Variants in TMEM132B observed in about 807,000 individuals in gnomAD.
TMEM132B encodes the protein transmembrane protein 132B.
In TMEM132B, 18 loss-of-function variants were observed where a neutral mutation model predicts 90.8. The observed-to-expected ratio is 0.20, with a 90% CI of 0.14 to 0.29. The LOEUF (loss-of-function observed/expected upper bound fraction) is 0.29. Among genes scored for constraint, TMEM132B ranks in the 10% least tolerant of loss-of-function variants. TMEM132B has a pLI of 1.00. For synonymous variants in TMEM132B, 504 were observed against 523.3 expected (o/e 0.96, Z 0.50); for missense variants, 1,096 against 1,326.8 (o/e 0.83, Z 2.70).
chr12:125,331,401 G>A (rs1876767480), intron 1 of TMEM132B, among the ~76,000 whole-genome samples: 1 of 152,248 alleles, frequency 6.6e-6, no homozygotes, highest in Admixed American at 6.5e-5. Flanking sequence ...CGAAGCCCTG[G>A]GGTCTGTGTG....
At chr12:125,518,936 A>T (rs1277593408) in intron 3 of TMEM132B, among the ~76,000 whole-genome samples, 1 of 152,222 alleles carries the variant, frequency 6.6e-6, no homozygotes, top group Non-Finnish European at 1.5e-5. Flanking sequence ...CCACACACCC[A>T]TGAGGTCCCC....
chr12:125,617,362 T>G (rs1886013340), intron 5 of TMEM132B, among the ~76,000 whole-genome samples: 1 of 149,024 alleles, frequency 6.7e-6, no homozygotes, highest in Non-Finnish European at 1.5e-5. Context: ...TTTTTTTTTT[T>G]GAGACGGAAT....
At chr12:125,554,427 TAAAAAAAAA>T (rs71447048) in intron 4 of TMEM132B, among the ~76,000 whole-genome samples, 3 of 69,480 alleles carry the variant, frequency 4.3e-5, no homozygotes, top group Non-Finnish European at 8.5e-5. Context: ...TCCATTTCAT[TAAAAAAAAA>T]AAAAAAAAAA....
At chr12:125,598,440 C>T (rs1271750045) in intron 5 of TMEM132B, among the ~76,000 whole-genome samples, 1 of 152,132 alleles carries the variant, frequency 6.6e-6, no homozygotes, top group Non-Finnish European at 1.5e-5. Flanking sequence ...GATACTATCA[C>T]TGAGGAAGGG....
chr12:125,304,824 A>G (rs1875919375), intron 1 of TMEM132B, among the ~76,000 whole-genome samples: 2 of 152,074 alleles, frequency 1.3e-5, no homozygotes, highest in South Asian at 2.1e-4. Flanking sequence ...CCTGGGCAAC[A>G]TAGTGAGACC....
intron 1 of TMEM132B, among the ~76,000 whole-genome samples, chr12:125,205,715 T>C (rs1003429908): frequency 2.0e-5 from 3 of 152,210 alleles, no homozygotes; most frequent in Admixed American, 2.0e-4. Flanking sequence ...TGGGCTTCAG[T>C]GTGAGTGTCT....
At chr12:125,325,690 TGTGTGTGTGTG>T (rs1876544056) in intron 1 of TMEM132B, among the ~76,000 whole-genome samples, 1 of 149,458 alleles carries the variant, frequency 6.7e-6, no homozygotes, top group African/African-American at 2.5e-5. Flanking sequence ...TGTGTGTGTG[TGTGTGTGTGTG>T]TGTGTGTGTG....
At chr12:125,569,433 C>G (rs1287687944) in intron 4 of TMEM132B, among the ~76,000 whole-genome samples, 1 of 152,098 alleles carries the variant, frequency 6.6e-6, no homozygotes, top group Non-Finnish European at 1.5e-5. Context: ...TTGCAGGTTC[C>G]TTGAGGGATG....
At chr12:125,308,791 A>G (rs1876056203) in intron 1 of TMEM132B, among the ~76,000 whole-genome samples, 1 of 152,168 alleles carries the variant, frequency 6.6e-6, no homozygotes, top group Non-Finnish European at 1.5e-5. Flanking sequence ...CAAACATTAC[A>G]GAAAACATTG....
chr12:125,306,180 G>A (rs1385426056), intron 1 of TMEM132B, among the ~76,000 whole-genome samples: 2 of 152,226 alleles, frequency 1.3e-5, no homozygotes, highest in African/African-American at 2.4e-5. Context: ...TTGGCAGATT[G>A]TCTAATTTTC....
At chr12:125,391,259 A>G (rs1037012345) in intron 2 of TMEM132B, among the ~76,000 whole-genome samples, 1 of 152,192 alleles carries the variant, frequency 6.6e-6, no homozygotes, top group Non-Finnish European at 1.5e-5. Context: ...GTGTCAAGGT[A>G]TGTTGCCTGC....
At chr12:125,279,815 T>G (rs1433399534) in intron 1 of TMEM132B, among the ~76,000 whole-genome samples, 1 of 152,214 alleles carries the variant, frequency 6.6e-6, no homozygotes, top group Non-Finnish European at 1.5e-5. Context: ...TGGTTCATTG[T>G]AAACTCAATT....
At chr12:125,554,932 G>C (rs1259480719) in intron 4 of TMEM132B, among the ~76,000 whole-genome samples, 1 of 152,170 alleles carries the variant, frequency 6.6e-6, no homozygotes, top group Admixed American at 6.5e-5. Flanking sequence ...GTGTGTGTCA[G>C]GTGGTTTTAT....
At chr12:125,326,744 C>G in intron 1 of TMEM132B, 6 of 1,485,040 alleles carry the variant, frequency 4.0e-6, no homozygotes, top group Non-Finnish European at 5.5e-6. Flanking sequence ...GGAGGTTTTC[C>G]TATGTCCTAT....
At chr12:125,403,212 A>G (rs149647410) in intron 2 of TMEM132B, among the ~76,000 whole-genome samples, 2 of 152,316 alleles carry the variant, frequency 1.3e-5, no homozygotes, top group East Asian at 3.9e-4. Flanking sequence ...GCTGAGTGAC[A>G]TTATCTAGAC....
intron 3 of TMEM132B, among the ~76,000 whole-genome samples, chr12:125,507,581 G>C (rs970649746): frequency 5.9e-5 from 9 of 152,092 alleles, no homozygotes; most frequent in African/African-American, 2.2e-4. Context: ...AGTGGCCCAG[G>C]TAGAGGCATG....
At chr12:125,624,850 G>A (rs1886192522) in intron 5 of TMEM132B, among the ~76,000 whole-genome samples, 1 of 152,042 alleles carries the variant, frequency 6.6e-6, no homozygotes, top group Non-Finnish European at 1.5e-5. Flanking sequence ...CAAACATCGT[G>A]GTCGATGTTT....
rs993130816 is a variant in TMEM132B, at chr12:125,541,896, G to T, written c.1293+22271G>T. Among the ~76,000 whole-genome samples, 2 of 151,770 alleles carry T rather than the reference G, an allele frequency of 1.3e-5. 1 individual carries two copies. The highest frequency in any genetic ancestry group is 1.3e-4 in the Admixed American group (2 of 15,220). ...AAAAATTAGCCGGGCGTGGTGGCGG[G>T]CACCTGTAGTCCCAGCTACTTGGGA... On this transcript the variant is annotated intron_variant, in intron 4 of 8. Coordinates refer to ENST00000682704, the MANE Select transcript of TMEM132B (RefSeq NM_001366854.1).
At chr12:125,619,012 C>A (rs1886056721) in intron 5 of TMEM132B, among the ~76,000 whole-genome samples, 1 of 152,104 alleles carries the variant, frequency 6.6e-6, no homozygotes, top group African/African-American at 2.4e-5. Context: ...GCATTCTGCT[C>A]CTGGCTGACC....
Sources: gnomAD v4.1 joint callset for allele counts (sites outside exome capture counted in the v4.1 genomes callset) on GRCh38, gnomAD v4.1.1 for gene constraint, MANE v1.5 for transcripts, NCBI Gene and HGNC (gene_info 2026-07-23, HGNC 2026-07-21) for gene names.